The following MBD1 variants were observed in gnomAD, a reference collection of about 807,000 sequenced individuals.
MBD1 encodes methyl-CpG-binding domain protein 1.
Under a neutral mutation model 82.6 loss-of-function variants are expected in MBD1, and 25 were observed. The ratio of observed to expected loss-of-function variants is 0.30; its 90% CI spans 0.22 to 0.42. The LOEUF (loss-of-function observed/expected upper bound fraction) is 0.42. MBD1 is among the 10% of genes least tolerant of loss of function. The probability of loss-of-function intolerance (pLI) is 1.00; values close to 1 mark genes in which losing one functional copy is unlikely to be tolerated. For missense variants in MBD1, 627 were observed against 819.6 expected (o/e 0.76, Z 2.87); for synonymous variants, 301 against 303.7 (o/e 0.99, Z 0.09).
rs1599283660 is a variant in MBD1 at position 50,272,559 on chromosome 18, G to C, written c.1778+118C>G. On this transcript the variant is annotated intron_variant, in intron 15 of 16. Coordinates refer to ENST00000269468, the MANE Select transcript of MBD1 (RefSeq NM_015846.4). ...CTCATTAATTGTGACCAGCATAGTG[G>C]GTATGGGCCTTTACCTCCCACCACA... 13 of 1,060,878 alleles carry C rather than the reference G, an allele frequency of 1.2e-5. No homozygotes were observed. The East Asian group carries it at 3.1e-4, about 25-fold the overall frequency. The allele number at this position is 1,060,878 out of a possible 1,614,324, so 65.7% of individuals were successfully genotyped here.
Position 50,272,678 on chromosome 18 carries a change from T to C in MBD1, c.1777A>G (p.Arg593Gly). Reference sequence around the variant, plus strand: ...CACCCCTCACTGTGTGGGGCACACCTTGGCAACCAGACTGCTGTATCTCGG... The same window carrying C: ...CACCCCTCACTGTGTGGGGCACACCCTGGCAACCAGACTGCTGTATCTCGG... ...RFRDTAVWLPRSKDLKKPGAR... is the reference protein window; with the variant it reads ...RFRDTAVWLPGSKDLKKPGAR... Residue 593 changes from arginine (R) to glycine (G), a missense_variant and splice_region_variant, in exon 15 of 17, where the codon AGG becomes GGG. Arg to Gly is a moderately radical substitution (Grantham distance 125). This residue lies in a region of MBD1 where 265 missense variants were observed against 278.4 expected (regional missense o/e 0.95). Transcript: ENST00000269468. 1 of 1,614,136 alleles carries C rather than the reference T, an allele frequency of 6.2e-7. No individual in the cohort carries two copies. The highest frequency in any genetic ancestry group is 8.5e-7 in the Non-Finnish European group (1 of 1,180,012).
rs746098386 is a variant in MBD1, at chr18:50,269,792, T to C, written c.*59A>G. On this transcript the variant is annotated 3_prime_UTR_variant, in exon 17 of 17. Transcript: ENST00000269468. Reference sequence around the variant, plus strand: ...GGTCTCCCACACTTTACATCCATCTTCCCTTCCCGAGTGCCTGCCCTGCAG... The same window carrying C: ...GGTCTCCCACACTTTACATCCATCTCCCCTTCCCGAGTGCCTGCCCTGCAG... The C allele has an allele frequency of 1.3e-6, 1 of 786,034 alleles. No homozygotes were observed. Among genetic ancestry groups the C allele is most frequent in the South Asian group, 1.3e-5 (1 of 74,722 alleles). 48.7% of individuals were successfully genotyped at this position (786,034 alleles called of 1,614,324 possible).
intron 15 of MBD1, 75 bp from the exon 16 acceptor site, chr18:50,271,615 C>T (rs2035569340): frequency 1.3e-6 from 2 of 1,500,506 alleles, no homozygotes; most frequent in East Asian, 4.5e-5. Context: ...AAAACCATTT[C>T]CTACTATTCT....
At chr18:50,278,666 A>G (rs895142971) in intron 2 of MBD1, among the ~76,000 whole-genome samples, 4 of 152,248 alleles carry the variant, frequency 2.6e-5, no homozygotes, top group Non-Finnish European at 4.4e-5. Context: ...TCTTAAACAC[A>G]TGTAAATGCT....
At chr18:50,273,187 G>T in intron 13 of MBD1, 147 bp downstream of exon 13, 1 of 1,304,094 alleles carries the variant, frequency 7.7e-7, no homozygotes, top group Non-Finnish European at 1.1e-6. Flanking sequence ...GAGGTAGGGT[G>T]TCTGTTAGAC....
chr18:50,281,209 C>T (rs1039004071), intron 1 of MBD1, 154 bp downstream of exon 1: 7 of 1,534,350 alleles, frequency 4.6e-6, no homozygotes, highest in Non-Finnish European at 6.1e-6. Flanking sequence ...CAGCCTAAAT[C>T]CCCCCATTTC....
In MBD1 at chr18:50,277,220, G is replaced by C; in HGVS notation, c.111-16C>G. ...TCCTGTGGGGCTAGGGATGGGCCAT[G>C]ATGGGTTAGCACCCAGGTGGAGCCA... On this transcript the variant is annotated splice_polypyrimidine_tract_variant and intron_variant, in intron 2 of 16. Transcript: ENST00000269468. The C allele has an allele frequency of 6.3e-7, 1 of 1,591,418 alleles. No homozygotes were observed. Among genetic ancestry groups the C allele is most frequent in the South Asian group, 1.1e-5 (1 of 90,440 alleles).
intron 16 of MBD1, 195 bp downstream of exon 16, chr18:50,271,274 C>G: frequency 6.9e-7 from 1 of 1,442,538 alleles, no homozygotes; most frequent in African/African-American, 1.4e-5. Flanking sequence ...GAAGATGCAC[C>G]AACTTTCTAC....
At chr18:50,276,518 C>T (rs147280572) in intron 5 of MBD1, 100 bp from the exon 6 acceptor site, 3 of 1,432,832 alleles carry the variant, frequency 2.1e-6, no homozygotes, top group Non-Finnish European at 2.9e-6. Flanking sequence ...CAACCTCTAC[C>T]TATGCCTGCT....
rs2034397256 is a variant in MBD1 at position 50,268,986 on chromosome 18, T to A, written c.*865A>T. 2.0e-6 allele frequency: 2 copies of A among 983,504 alleles called. No individual in the cohort carries two copies. Among genetic ancestry groups the A allele is most frequent in the African/African-American group, 3.5e-5 (2 of 57,214 alleles). 60.9% of individuals were successfully genotyped at this position (983,504 alleles called of 1,614,324 possible). A position where few individuals can be genotyped will look rare whatever the true frequency, so the allele number is the denominator to read the frequency against. ...TCCCAACAATTTTCTGAATTCTATA[T>A]ATTCAGCATTAAATTCCATGATAAA... On this transcript the variant is annotated 3_prime_UTR_variant, in exon 17 of 17. Transcript: ENST00000269468.
chr18:50,268,736 T>C (rs2034340271), downstream of MBD1: 2 of 216,810 alleles, frequency 9.2e-6, no homozygotes, highest in South Asian at 1.6e-4. Context: ...TCAGGGTCCT[T>C]GGAAAGAAGT....
chr18:50,270,344 T>G, intron 16 of MBD1: 1 of 664,500 alleles, frequency 1.5e-6, no homozygotes. Flanking sequence ...AAATTACAGG[T>G]CTAATCTTTT....
At position 50,281,352 on chromosome 18, in the gene MBD1, G is replaced by A; in HGVS notation, c.-26+11C>T. On this transcript the variant is annotated intron_variant, in intron 1 of 16. Transcript: ENST00000269468. The stretch of plus-strand genomic sequence containing the variant: ...GAGCGCTCTCCACGTCCAGCCCCAA[G>A]GCTGTCTCACCAGTTTGGCACCAGG... 1 of 910,330 alleles carries A rather than the reference G, an allele frequency of 1.1e-6. No individual in the cohort carries two copies. Among genetic ancestry groups the A allele is most frequent in the Non-Finnish European group, 1.7e-6 (1 of 583,194 alleles). 56.4% of individuals were successfully genotyped at this position (910,330 alleles called of 1,614,324 possible).
chr18:50,270,399 G>T, intron 16 of MBD1: 1 of 508,414 alleles, frequency 2.0e-6, no homozygotes, highest in Non-Finnish European at 3.8e-6. Flanking sequence ...AGGTAGGGCT[G>T]AGCCAAGACT....
At position 50,274,979 on chromosome 18, in the gene MBD1, G is replaced by A; in HGVS notation, c.976C>T (p.Leu326=). ...CCAGGTAGGGTGGGGCCACTCACTA[G>A]CTCGTCCTCGTCTACACAGTAATAG... ...FIYYCVDEDE[L]QPYTNRRQNR... Residue 326 remains leucine (L), a splice_region_variant and synonymous_variant, in exon 10 of 17, where the codon CTA becomes TTA. Coordinates refer to ENST00000269468, the MANE Select transcript of MBD1 (RefSeq NM_015846.4). 1 of 1,614,086 alleles carries A rather than the reference G, an allele frequency of 6.2e-7. No individual in the cohort carries two copies. The highest frequency in any genetic ancestry group is 1.1e-5 in the South Asian group (1 of 91,080).
chr18:50,274,246 G>A lies in MBD1; in HGVS notation c.1086C>T (p.Phe362=), dbSNP rs982785869. Residue 362 remains phenylalanine (F), a synonymous_variant, in exon 11 of 17, where the codon TTC becomes TTT. Coordinates refer to ENST00000269468, the MANE Select transcript of MBD1 (RefSeq NM_015846.4). The part of the protein sequence containing the change: ...RCDFCCDKPK[F]GGSNQKRQKC... ...TCTGGCGCTTCTGGTTGCTGCCCCC[G>A]AATTTGGGCTTGTCGCAGCAGAAGT... is the stretch of plus-strand genomic sequence containing the variant. 3 of 1,614,150 alleles carry A rather than the reference G, an allele frequency of 1.9e-6. No individual in the cohort carries two copies. Among genetic ancestry groups the A allele is most frequent in the Non-Finnish European group, 2.5e-6 (3 of 1,180,044 alleles).
At chr18:50,273,223 C>A (rs1402881373) in intron 13 of MBD1, 111 bp downstream of exon 13, 8 of 1,465,148 alleles carry the variant, frequency 5.5e-6, no homozygotes, top group South Asian at 1.2e-5. Context: ...GCAGAAACGT[C>A]GCAATCAGCA....
In MBD1 at chr18:50,269,751, G is replaced by A. The variant is rs1313861186; in HGVS notation, c.*100C>T. The A allele has an allele frequency of 1.3e-6, 1 of 781,922 alleles. No individual in the cohort carries two copies. The highest frequency in any genetic ancestry group is 2.4e-5 in the East Asian group (1 of 41,248). 48.4% of individuals were successfully genotyped at this position (781,922 alleles called of 1,614,324 possible). On this transcript the variant is annotated 3_prime_UTR_variant, in exon 17 of 17. Coordinates refer to ENST00000269468, the MANE Select transcript of MBD1 (RefSeq NM_015846.4). ...CGTGGGTTCCAGCTCGTGCTCGTGG[G>A]CTCCACTGTGTCCTCGGTCTCCCAC...
At chr18:50,281,207 A>C in intron 1 of MBD1, 156 bp downstream of exon 1, 1 of 1,532,748 alleles carries the variant, frequency 6.5e-7, no homozygotes, top group Non-Finnish European at 8.7e-7. Flanking sequence ...CTCAGCCTAA[A>C]TCCCCCCATT....
Sources: allele counts gnomAD v4.1 joint callset (sites outside exome capture counted in the v4.1 genomes callset), GRCh38; gene constraint gnomAD v4.1.1; regional missense constraint gnomAD v4.1.1; transcripts MANE v1.5; gene names NCBI Gene and HGNC (gene_info 2026-07-23, HGNC 2026-07-21).